Variants in ANAPC1 observed in about 807,000 individuals in gnomAD.
ANAPC1 encodes the protein anaphase promoting complex subunit 1.
Under a neutral mutation model 208.0 loss-of-function variants are expected in ANAPC1, and 36 were observed. The ratio of observed to expected loss-of-function variants is 0.17; its 90% CI spans 0.13 to 0.23. The LOEUF (loss-of-function observed/expected upper bound fraction) is 0.23. Among genes scored for constraint, ANAPC1 ranks in the 10% least tolerant of loss-of-function variants. The pLI is 1.00. For synonymous variants in ANAPC1, 378 were observed against 695.2 expected, an observed-to-expected ratio of 0.54 and a Z score of 7.18; for missense variants, 942 against 2,011.6, an observed-to-expected ratio of 0.47 and a Z score of 10.17.
intron 20 of ANAPC1, among the ~76,000 whole-genome samples, chr2:111,832,875 T>C (rs1396500495): frequency 1.5e-5 from 2 of 135,922 alleles, no homozygotes; most frequent in Non-Finnish European, 3.1e-5. Flanking sequence ...GAGGCAGAGC[T>C]TGCAGTGAGC....
At chr2:111,787,127 C>T (rs867846339) in intron 39 of ANAPC1, among the ~76,000 whole-genome samples, 1,461 of 135,794 alleles carry the variant, frequency 0.011, no homozygotes, top group Non-Finnish European at 0.017. Flanking sequence ...TCAGCCTGGG[C>T]GACAGAGCGA....
intron 24 of ANAPC1, among the ~76,000 whole-genome samples, chr2:111,823,110 C>T (rs972103169): frequency 8.5e-4 from 125 of 146,422 alleles, no homozygotes; most frequent in South Asian, 1.3e-3. Flanking sequence ...CCCGGGTTCA[C>T]GCCATTCTCC....
chr2:111,880,334 T>C (rs563957026), intron 2 of ANAPC1, among the ~76,000 whole-genome samples: 12 of 152,112 alleles, frequency 7.9e-5, no homozygotes, highest in Non-Finnish European at 1.5e-5. Context: ...ATCGCACCAG[T>C]GCACTCCAGC....
chr2:111,854,851 G>A (rs7571672), intron 13 of ANAPC1, among the ~76,000 whole-genome samples: 88,290 of 151,906 alleles, frequency 0.58, 26,599 homozygotes, highest in South Asian at 0.69. Context: ...TCATATCAGC[G>A]ATAAGGCTGT....
At chr2:111,772,660 T>C (rs1207141732) in intron 46 of ANAPC1, among the ~76,000 whole-genome samples, 185 bp from the exon 47 acceptor site, 5 of 150,462 alleles carry the variant, frequency 3.3e-5, no homozygotes, top group Non-Finnish European at 1.5e-5. Context: ...GAGTTTAGAG[T>C]GTTGTTGGGG....
intron 7 of ANAPC1, 90 bp downstream of exon 7, chr2:111,867,931 TAA>T (rs774564941): frequency 1.3e-4 from 96 of 711,286 alleles, no homozygotes; most frequent in Non-Finnish European, 2.0e-4. Context: ...ATTATTTTTA[TAA>T]GTCAGTTTTC....
intron 38 of ANAPC1, among the ~76,000 whole-genome samples, chr2:111,788,892 A>C (rs1245098161): frequency 1.3e-5 from 2 of 151,978 alleles, no homozygotes. Context: ...TAATCCCAGC[A>C]CTTTGGGAGG....
At chr2:111,841,157 TCTCA>T (rs1211296258) in intron 17 of ANAPC1, among the ~76,000 whole-genome samples, 2 of 152,116 alleles carry the variant, frequency 1.3e-5, no homozygotes, top group East Asian at 3.9e-4. Context: ...AAAAACAGTA[TCTCA>T]CTCAGATGGA....
chr2:111,850,367 A>G (rs954482025), intron 14 of ANAPC1, among the ~76,000 whole-genome samples: 4 of 152,150 alleles, frequency 2.6e-5, no homozygotes, highest in Non-Finnish European at 5.9e-5. Context: ...GAAGACTGAC[A>G]TGTCTCTCAG....
Position 111,878,967 on chromosome 2 carries a change from C to T in ANAPC1, c.218G>A (p.Ser73Asn), listed in dbSNP as rs1342290624. The change falls in exon 3 of 48, where the codon AGC becomes AAC. Residue 73 changes from serine (S) to asparagine (N), a missense_variant. Coordinates refer to ENST00000341068, the MANE Select transcript of ANAPC1 (RefSeq NM_022662.4). ...EVTIHEKQKE[S>N]WQLRKGVSEI... The stretch of plus-strand genomic sequence containing the variant: ...ACTTACTCCTTTCCTTAACTGCCAG[C>T]TTTCCTTAAAAATTAACACATGTAA... The T allele has an allele frequency of 6.3e-7, 1 of 1,584,842 alleles. No individual in the cohort carries two copies.
At chr2:111,847,017 T>C (rs1375228498) in intron 16 of ANAPC1, 121 bp downstream of exon 16, 1 of 769,044 alleles carries the variant, frequency 1.3e-6, no homozygotes, top group Non-Finnish European at 2.1e-6. Flanking sequence ...TTAAAGCTCC[T>C]CTACAAAGCT....
chr2:111,849,357 G>A (rs3908057), intron 14 of ANAPC1, among the ~76,000 whole-genome samples: 91,569 of 151,862 alleles, frequency 0.6, 28,109 homozygotes, highest in South Asian at 0.69. Context: ...AAATCACACA[G>A]AACACTCTGA....
chr2:111,836,598 G>A (rs1680480767), intron 18 of ANAPC1, among the ~76,000 whole-genome samples: 1 of 151,254 alleles, frequency 6.6e-6, no homozygotes, highest in African/African-American at 2.4e-5. Context: ...AGTCAACTAC[G>A]ATAGCATCAC....
At chr2:111,834,996 T>C in intron 18 of ANAPC1, 124 bp from the exon 19 acceptor site, 2 of 932,446 alleles carry the variant, frequency 2.1e-6, no homozygotes, top group Non-Finnish European at 1.4e-6. Context: ...AAGAGTATGT[T>C]AAAAAAAAAA....
At chr2:111,873,249 CAATT>C in intron 5 of ANAPC1, 55 bp downstream of exon 5, 1 of 1,473,646 alleles carries the variant, frequency 6.8e-7, no homozygotes, top group Non-Finnish European at 9.1e-7. Flanking sequence ...CCTCTAAAAC[CAATT>C]AATTCAAAAA....
chr2:111,812,840 A>G (rs1255804618), intron 28 of ANAPC1, among the ~76,000 whole-genome samples: 1 of 92,572 alleles, frequency 1.1e-5, no homozygotes, highest in Non-Finnish European at 2.3e-5. Flanking sequence ...GCTGCCATAC[A>G]GGCATATAAA....
chr2:111,841,034 C>A (rs1209017959), intron 17 of ANAPC1, among the ~76,000 whole-genome samples: 1 of 152,152 alleles, frequency 6.6e-6, no homozygotes, highest in African/African-American at 2.4e-5. Flanking sequence ...CAGAGCGAAA[C>A]CCCGTCTTAA....
At position 111,790,537 on chromosome 2, in the gene ANAPC1, C is replaced by A. The variant is rs560467464; in HGVS notation, c.4712+1825G>T. ...AGAAGGATAAACTTTTCAATAGCAG[C>A]GGGAAAAAAACATGGAGAAAAATCC... On this transcript the variant is annotated intron_variant, in intron 38 of 47. Transcript: ENST00000341068. 7.6e-4 allele frequency among the ~76,000 whole-genome samples: 116 copies of A among 151,682 alleles called. 1 individual carries two copies. Among genetic ancestry groups the A allele is most frequent in the Admixed American group, 2.4e-3 (36 of 15,246 alleles).
At chr2:111,829,344 G>A (rs1021114982) in intron 21 of ANAPC1, among the ~76,000 whole-genome samples, 2 of 152,196 alleles carry the variant, frequency 1.3e-5, no homozygotes, top group Admixed American at 6.5e-5. Flanking sequence ...GGGGGGGACT[G>A]TGAAGCACTT....
Sources: allele counts gnomAD v4.1 joint callset (sites outside exome capture counted in the v4.1 genomes callset), GRCh38; gene constraint gnomAD v4.1.1; transcripts MANE v1.5; gene names NCBI Gene and HGNC (gene_info 2026-07-23, HGNC 2026-07-21).